Variants in PPME1 observed in about 807,000 individuals in gnomAD.
PPME1 encodes testicular secretory protein Li 39.
A neutral mutation model predicts 56.9 loss-of-function variants in PPME1; 17 were observed. That is an observed-to-expected ratio of 0.30 (90% CI 0.20 to 0.45). PPME1 has a LOEUF of 0.45. PPME1 is among the 20% of genes least tolerant of loss of function. The probability of loss-of-function intolerance (pLI) is 1.00; values close to 1 mark genes in which losing one functional copy is unlikely to be tolerated. For synonymous variants in PPME1, 122 were observed against 156.2 expected, an observed-to-expected ratio of 0.78 and a Z score of 1.63; for missense variants, 357 against 483.2, an observed-to-expected ratio of 0.74 and a Z score of 2.45.
At chr11:74,214,290 AAAG>A (rs1181771869) in intron 3 of PPME1, among the ~76,000 whole-genome samples, 3 of 152,206 alleles carry the variant, frequency 2.0e-5, no homozygotes, top group African/African-American at 7.2e-5. Flanking sequence ...AAAGGAGACA[AAAG>A]AAAAAGAATA....
At chr11:74,185,784 T>A (rs1857665142) in intron 1 of PPME1, among the ~76,000 whole-genome samples, 1 of 152,154 alleles carries the variant, frequency 6.6e-6, no homozygotes, top group Non-Finnish European at 1.5e-5. Flanking sequence ...AATTCTTTAT[T>A]ATCAAAGGTA....
intron 1 of PPME1, among the ~76,000 whole-genome samples, chr11:74,178,547 A>G (rs944821465): frequency 6.6e-6 from 1 of 152,342 alleles, no homozygotes; most frequent in Middle Eastern, 3.4e-3. Flanking sequence ...GAGAATAAAC[A>G]GCATCTGGCC....
chr11:74,244,429 A>G (rs1167677480), intron 9 of PPME1, among the ~76,000 whole-genome samples: 1 of 151,958 alleles, frequency 6.6e-6, no homozygotes, highest in South Asian at 2.1e-4. Context: ...ACCAACACTT[A>G]TTTTTCTCTT....
intron 4 of PPME1, among the ~76,000 whole-genome samples, chr11:74,223,249 A>G (rs1270019799): frequency 6.6e-6 from 1 of 151,788 alleles, no homozygotes; most frequent in Admixed American, 6.6e-5. Context: ...AATTTCATCC[A>G]TGTCCCTACA....
chr11:74,218,747 A>T (rs1326973093), intron 3 of PPME1, among the ~76,000 whole-genome samples: 2 of 152,206 alleles, frequency 1.3e-5, no homozygotes, highest in Non-Finnish European at 2.9e-5. Context: ...TACAAAAATC[A>T]ATAAAAATGA....
chr11:74,199,125 C>T (rs114748709), intron 1 of PPME1, among the ~76,000 whole-genome samples: 1 of 152,120 alleles, frequency 6.6e-6, no homozygotes, highest in African/African-American at 2.4e-5. Context: ...AATGTCTTAT[C>T]CCTCTCTCCA....
chr11:74,244,309 C>T (rs548610443), intron 9 of PPME1, among the ~76,000 whole-genome samples: 1 of 152,250 alleles, frequency 6.6e-6, no homozygotes, highest in African/African-American at 2.4e-5. Context: ...CTGGATCATA[C>T]AGTAGTTCTG....
At chr11:74,202,107 A>G (rs1001701717) in intron 1 of PPME1, among the ~76,000 whole-genome samples, 2 of 152,312 alleles carry the variant, frequency 1.3e-5, no homozygotes, top group East Asian at 3.9e-4. Flanking sequence ...CTGCAATCCA[A>G]GGCAGAATAA....
At chr11:74,248,131 A>G (rs1185037376) in intron 11 of PPME1, 1 of 152,484 alleles carries the variant, frequency 6.6e-6, no homozygotes, top group African/African-American at 2.4e-5. Flanking sequence ...AGCGGGTCCA[A>G]TTTTGTGGGG....
chr11:74,218,600 A>T (rs1858716756), intron 3 of PPME1, among the ~76,000 whole-genome samples: 1 of 152,198 alleles, frequency 6.6e-6, no homozygotes, highest in African/African-American at 2.4e-5. Context: ...AAATCCATAC[A>T]TCTACAGTGA....
intron 3 of PPME1, among the ~76,000 whole-genome samples, chr11:74,218,566 G>C (rs1858716406): frequency 6.6e-6 from 1 of 152,096 alleles, no homozygotes; most frequent in African/African-American, 2.4e-5. Context: ...TAGACCAATG[G>C]AACAGAATAG....
intron 1 of PPME1, among the ~76,000 whole-genome samples, chr11:74,188,600 T>G (rs1292418072): frequency 2.6e-5 from 4 of 152,210 alleles, no homozygotes; most frequent in Non-Finnish European, 5.9e-5. Flanking sequence ...TAATTATCTC[T>G]TCCCTTAACA....
intron 9 of PPME1, among the ~76,000 whole-genome samples, chr11:74,244,753 C>T (rs1054405794): frequency 9.2e-5 from 14 of 152,124 alleles, no homozygotes; most frequent in African/African-American, 3.4e-4. Context: ...TTGTTCACTG[C>T]TTTTTGGTGT....
intron 1 of PPME1, among the ~76,000 whole-genome samples, chr11:74,181,294 C>T (rs922057609): frequency 4.6e-5 from 7 of 150,902 alleles, no homozygotes; most frequent in Non-Finnish European, 8.8e-5. Context: ...ATGATCCACC[C>T]GCCTCGGCCT....
chr11:74,239,110 A>C (rs753244824), intron 8 of PPME1, 23 bp from the exon 9 acceptor site: 6 of 1,606,284 alleles, frequency 3.7e-6, no homozygotes, highest in Non-Finnish European at 5.1e-6. Flanking sequence ...GGTGTGTAAT[A>C]GCACTTTTTT....
chr11:74,236,546 C>T lies in PPME1; in HGVS notation c.710+580C>T, dbSNP rs149660145. On this transcript the variant is annotated intron_variant, in intron 8 of 13. Coordinates refer to ENST00000328257, the MANE Select transcript of PPME1 (RefSeq NM_016147.3). ...ATGAAAATGATAATGGCTTTGAGTG[C>T]TTACTATTTGCCAGGCACTGTGCAA... 3.1e-3 allele frequency among the ~76,000 whole-genome samples: 472 copies of T among 152,266 alleles called. 1 individual carries two copies. Among genetic ancestry groups the T allele is most frequent in the African/African-American group, 0.011 (451 of 41,530 alleles).
At chr11:74,204,120 G>C (rs746092369) in intron 2 of PPME1, among the ~76,000 whole-genome samples, 4 of 151,320 alleles carry the variant, frequency 2.6e-5, no homozygotes, top group Non-Finnish European at 5.9e-5. Context: ...GAATCCAGGG[G>C]TTATGTCCTC....
At chr11:74,241,871 A>G (rs954425346) in intron 9 of PPME1, among the ~76,000 whole-genome samples, 8 of 152,136 alleles carry the variant, frequency 5.3e-5, no homozygotes, top group African/African-American at 1.2e-4. Flanking sequence ...AGAGTTCTAT[A>G]TATATTCTAG....
chr11:74,220,060 T>A (rs1306331686), intron 3 of PPME1, among the ~76,000 whole-genome samples: 2 of 152,138 alleles, frequency 1.3e-5, no homozygotes, highest in African/African-American at 4.8e-5. Flanking sequence ...CCAAATTTTT[T>A]AAAAAACAAT....
Sources: allele counts gnomAD v4.1 joint callset (sites outside exome capture counted in the v4.1 genomes callset), GRCh38; gene constraint gnomAD v4.1.1; transcripts MANE v1.5; gene names NCBI Gene and HGNC (gene_info 2026-07-23, HGNC 2026-07-21).